Variants in NRXN3 observed in about 807,000 individuals in gnomAD.
The protein encoded by NRXN3 is neurexin III.
In NRXN3, 32 loss-of-function variants were observed where a neutral mutation model predicts 137.6. That is an observed-to-expected ratio of 0.23 (90% CI 0.18 to 0.31). NRXN3 has a LOEUF of 0.31. Among genes scored for constraint, NRXN3 ranks in the 10% least tolerant of loss-of-function variants. The pLI is 1.00. For synonymous variants in NRXN3, 798 were observed against 784.5 expected (o/e 1.02, Z -0.29); for missense variants, 1,574 against 2,062.5 (o/e 0.76, Z 4.59).
chr14:78,783,107 A>G (rs889907123), intron 8 of NRXN3, among the ~76,000 whole-genome samples: 10 of 152,244 alleles, frequency 6.6e-5, no homozygotes, highest in Non-Finnish European at 1.0e-4. Flanking sequence ...TGTATCAACT[A>G]CAAAGGAAAA....
At chr14:79,081,665 T>C (rs1008493085) in intron 15 of NRXN3, among the ~76,000 whole-genome samples, 1 of 149,954 alleles carries the variant, frequency 6.7e-6, no homozygotes. Context: ...CTTTGTCTAA[T>C]GAAGGAGACA....
intron 16 of NRXN3, among the ~76,000 whole-genome samples, chr14:79,573,347 TG>T (rs2097629943): frequency 6.6e-6 from 1 of 151,396 alleles, no homozygotes; most frequent in African/African-American, 2.4e-5. Context: ...GGTAGAGAGG[TG>T]GGAGGTGGGG....
intron 1 of NRXN3, among the ~76,000 whole-genome samples, chr14:78,173,008 G>A (rs2058881320): frequency 6.6e-6 from 1 of 152,148 alleles, no homozygotes; most frequent in South Asian, 2.1e-4. Flanking sequence ...GATGTATTGA[G>A]GTGGACTGAT....
intron 15 of NRXN3, among the ~76,000 whole-genome samples, chr14:79,191,473 C>A (rs1161998185): frequency 6.6e-6 from 1 of 152,212 alleles, no homozygotes; most frequent in Non-Finnish European, 1.5e-5. Flanking sequence ...AATTGGGGAT[C>A]TGTCTGGCTT....
chr14:79,731,606 C>T (rs930461452), intron 19 of NRXN3, among the ~76,000 whole-genome samples: 2 of 151,162 alleles, frequency 1.3e-5, no homozygotes, highest in African/African-American at 4.9e-5. Context: ...CTAGTGAACT[C>T]CTTGGTTCTC....
intron 1 of NRXN3, among the ~76,000 whole-genome samples, chr14:78,231,954 C>T (rs1267736376): frequency 1.3e-5 from 2 of 152,250 alleles, no homozygotes; most frequent in African/African-American, 4.8e-5. Context: ...CTGATCTACA[C>T]TGTCCCCTTT....
chr14:79,327,858 T>C (rs576252772), intron 15 of NRXN3, among the ~76,000 whole-genome samples: 1 of 152,246 alleles, frequency 6.6e-6, no homozygotes, highest in South Asian at 2.1e-4. Flanking sequence ...ATATGTCTTA[T>C]CCGTTCTTTG....
At chr14:78,835,395 G>A (rs1014186352) in intron 10 of NRXN3, among the ~76,000 whole-genome samples, 2 of 152,148 alleles carry the variant, frequency 1.3e-5, no homozygotes, top group African/African-American at 4.8e-5. Flanking sequence ...TTCAGAGAAG[G>A]AATTGGAAGC....
At chr14:78,618,585 G>A (rs1174017593) in intron 4 of NRXN3, among the ~76,000 whole-genome samples, 2 of 152,186 alleles carry the variant, frequency 1.3e-5, no homozygotes, top group African/African-American at 2.4e-5. Context: ...AAGTGCACAC[G>A]CTGAGCATCA....
chr14:78,338,977 T>A (rs1322178958), intron 4 of NRXN3, among the ~76,000 whole-genome samples: 1 of 152,188 alleles, frequency 6.6e-6, no homozygotes, highest in Non-Finnish European at 1.5e-5. Context: ...AATTATTGGC[T>A]TTTTGTATTG....
chr14:79,199,430 CCA>C (rs1362125674), intron 15 of NRXN3, among the ~76,000 whole-genome samples: 1 of 152,050 alleles, frequency 6.6e-6, no homozygotes, highest in Admixed American at 6.5e-5. Flanking sequence ...GCAAAAGAAG[CCA>C]CACTGAGGAT....
chr14:78,827,788 T>C (rs1411384664), intron 10 of NRXN3, among the ~76,000 whole-genome samples: 4 of 152,226 alleles, frequency 2.6e-5, no homozygotes, highest in African/African-American at 7.2e-5. Context: ...CTCAAAACAG[T>C]GTCCGAGGAA....
chr14:79,857,860 T>A (rs1172604189), intron 20 of NRXN3, among the ~76,000 whole-genome samples: 2 of 152,190 alleles, frequency 1.3e-5, no homozygotes, highest in Non-Finnish European at 2.9e-5. Context: ...CACTTTGTTG[T>A]CTAAAAATCA....
intron 15 of NRXN3, among the ~76,000 whole-genome samples, chr14:79,097,410 A>G (rs952635522): frequency 4.6e-5 from 7 of 152,314 alleles, no homozygotes; most frequent in East Asian, 3.9e-4. Flanking sequence ...AAGGGTAAGC[A>G]TGGCCAACCT....
chr14:78,969,570 G>A (rs887112221), intron 14 of NRXN3, among the ~76,000 whole-genome samples: 2 of 151,864 alleles, frequency 1.3e-5, no homozygotes, highest in African/African-American at 2.4e-5. Flanking sequence ...TTCATGTATC[G>A]CTTCTGTTCT....
At chr14:79,791,898 A>C (rs1447972147) in intron 19 of NRXN3, among the ~76,000 whole-genome samples, 2 of 152,176 alleles carry the variant, frequency 1.3e-5, no homozygotes, top group Non-Finnish European at 2.9e-5. Context: ...AAGGAGGAAG[A>C]GGGGAATGGA....
chr14:78,488,776 A>C (rs919684562), intron 4 of NRXN3, among the ~76,000 whole-genome samples: 1 of 148,050 alleles, frequency 6.8e-6, no homozygotes, highest in Non-Finnish European at 1.5e-5. Context: ...GAAGAAGAAG[A>C]AAGGGGAGGG....
chr14:79,806,121 G>A lies in NRXN3; in HGVS notation c.4093+931G>A, dbSNP rs2099204039. The stretch of plus-strand genomic sequence containing the variant: ...ATGTTTAATAGAATTAATAGCTGGA[G>A]TTGGGCCAGGATCTTATTTCTGTGA... On this transcript the variant is annotated intron_variant, in intron 20 of 20. Transcript: ENST00000335750. Among the ~76,000 whole-genome samples, 3 of 152,124 alleles carry A rather than the reference G, an allele frequency of 2.0e-5. No homozygotes were observed. The South Asian group carries it at 6.2e-4, about 32-fold the overall frequency.
chr14:79,447,039 G>A (rs903053662), intron 15 of NRXN3, among the ~76,000 whole-genome samples: 2 of 152,122 alleles, frequency 1.3e-5, no homozygotes, highest in Non-Finnish European at 2.9e-5. Flanking sequence ...CCCTGGTTGT[G>A]GACTGTAACC....
Sources: allele counts gnomAD v4.1 joint callset (sites outside exome capture counted in the v4.1 genomes callset), GRCh38; gene constraint gnomAD v4.1.1; transcripts MANE v1.5; gene names NCBI Gene and HGNC (gene_info 2026-07-23, HGNC 2026-07-21).